EMSY: variants seen among roughly 807,000 people sequenced by gnomAD.
EMSY encodes BRCA2-interacting transcriptional repressor EMSY.
Under a neutral mutation model 134.6 loss-of-function variants are expected in EMSY, and 26 were observed. That is an observed-to-expected ratio of 0.19 (90% CI 0.14 to 0.27). The LOEUF (loss-of-function observed/expected upper bound fraction) is 0.27, where lower values mean the gene tolerates loss of function less well. Ranked by LOEUF, EMSY falls within the 10% of genes least tolerant of loss-of-function variation. The pLI is 1.00. For synonymous variants in EMSY, 579 were observed against 577.8 expected (o/e 1.00, Z -0.03); for missense variants, 1,305 against 1,611.4 (o/e 0.81, Z 3.26).
chr11:76,523,413 C>T, intron 12 of EMSY, 122 bp downstream of exon 13: 2 of 1,108,034 alleles, frequency 1.8e-6, no homozygotes, highest in East Asian at 5.3e-5. Context: ...TTTACCACTG[C>T]TGGGATATAA....
intron 2 of EMSY, among the ~76,000 whole-genome samples, chr11:76,447,269 A>G (rs1055689493): frequency 1.3e-5 from 2 of 152,252 alleles, no homozygotes; most frequent in African/African-American, 4.8e-5. Flanking sequence ...TTTATACAAC[A>G]TCTAATTTAA....
chr11:76,446,241 G>C (rs1270952363), intron 1 of EMSY, among the ~76,000 whole-genome samples: 2 of 151,264 alleles, frequency 1.3e-5, no homozygotes, highest in Non-Finnish European at 2.9e-5. Context: ...CTCAACTGTT[G>C]GTAAATGGCT....
chr11:76,468,602 C>T (rs1948451866), intron 7 of EMSY, among the ~76,000 whole-genome samples: 1 of 152,070 alleles, frequency 6.6e-6, no homozygotes, highest in Non-Finnish European at 1.5e-5. Flanking sequence ...TGTCACAAAT[C>T]CTGTATAAGG....
chr11:76,546,117 G>A lies in EMSY; in HGVS notation c.3594G>A (p.Ala1198=), dbSNP rs761026121. 1.1e-5 allele frequency: 17 copies of A among 1,614,026 alleles called. No homozygotes were observed. The African/African-American group carries it at 1.1e-4, about 10-fold the overall frequency. ...CCCACATGGTGGTGGCAGGGATGGC[G>A]AATTCCACTCCCCAGCAACAGAAAT... Residue 1198 remains alanine (A), a synonymous_variant, in exon 20 of 21, where the codon GCG becomes GCA. Coordinates refer to ENST00000334736, the Ensembl canonical transcript of EMSY.
At position 76,544,827 on chromosome 11, in the gene EMSY, C is replaced by G. The variant is rs747333794; in HGVS notation, c.3273+5C>G. The G allele has an allele frequency of 1.2e-6, 2 of 1,612,714 alleles. No individual in the cohort carries two copies. Among genetic ancestry groups the G allele is most frequent in the East Asian group, 2.2e-5 (1 of 44,854 alleles). On this transcript the variant is annotated splice_donor_5th_base_variant and intron_variant, in intron 19 of 20. Coordinates refer to ENST00000334736, the Ensembl canonical transcript of EMSY. ...GAGAAACAGACGGCAAGCCAGGTAA[C>G]GGAATATTGATAGCATGCAAAGTTA... is the stretch of plus-strand genomic sequence containing the variant.
At chr11:76,494,150 C>A (rs368202637) in intron 8 of EMSY, among the ~76,000 whole-genome samples, 9 of 152,398 alleles carry the variant, frequency 5.9e-5, no homozygotes, top group African/African-American at 2.2e-4. Context: ...CAGCTGGCAT[C>A]TGTGCCTGGC....
At chr11:76,472,495 C>A in intron 7 of EMSY, 69 bp from the exon 9 acceptor site, 1 of 1,374,964 alleles carries the variant, frequency 7.3e-7, no homozygotes, top group Non-Finnish European at 1.0e-6. Context: ...TTATATATAA[C>A]TAACTGTGAG....
chr11:76,548,519 T>C (rs1951733544), intron 20 of EMSY, among the ~76,000 whole-genome samples: 1 of 152,190 alleles, frequency 6.6e-6, no homozygotes. Flanking sequence ...TCATAGACTT[T>C]TAGAACTGCA....
In EMSY at chr11:76,508,663, A is replaced by G. The variant is rs553292467; in HGVS notation, c.1364-4723A>G. Among the ~76,000 whole-genome samples, 14 of 152,332 alleles carry G rather than the reference A, an allele frequency of 9.2e-5. No homozygotes were observed. The South Asian group carries it at 1.2e-3, about 14-fold the overall frequency. ...CTTCCAATAAAAGTCTATTTTGTCTACATTGAAAATCTGGTGTTTAGTGTA... is the reference window on the plus strand; with the variant it reads ...CTTCCAATAAAAGTCTATTTTGTCTGCATTGAAAATCTGGTGTTTAGTGTA... On this transcript the variant is annotated intron_variant, in intron 9 of 20. Coordinates refer to ENST00000334736, the Ensembl canonical transcript of EMSY.
chr11:76,486,860 G>A (rs1288715389), intron 8 of EMSY, among the ~76,000 whole-genome samples: 2 of 152,198 alleles, frequency 1.3e-5, no homozygotes, highest in Non-Finnish European at 2.9e-5. Flanking sequence ...TCCTATACAT[G>A]ACATGGTGAA....
exon 20 of EMSY, chr11:76,546,013 G>C: frequency 6.2e-7 from 1 of 1,614,134 alleles, no homozygotes; most frequent in Non-Finnish European, 8.5e-7. Flanking sequence ...TACAAATGTA[G>C]AACATATGAT....
In EMSY at chr11:76,454,793, A is replaced by T; in HGVS notation, c.245+1405A>T. 1 of 1,460,562 alleles carries T rather than the reference A, an allele frequency of 6.8e-7. No homozygotes were observed. The highest frequency in any genetic ancestry group is 1.3e-5 in the South Asian group (1 of 79,986). 90.5% of individuals were successfully genotyped at this position (1,460,562 alleles called of 1,614,324 possible). ...TTGGGTGAAAGACCAAGTTACAGGT[A>T]TGCAAATAGGTTATTATTATTTCAG... On this transcript the variant is annotated intron_variant, in intron 4 of 20. Coordinates refer to ENST00000334736, the Ensembl canonical transcript of EMSY.
chr11:76,457,258 A>G (rs1453425917), intron 4 of EMSY, among the ~76,000 whole-genome samples: 2 of 152,216 alleles, frequency 1.3e-5, no homozygotes, highest in African/African-American at 4.8e-5. Context: ...AGTTTGAAGA[A>G]CCTATGGTTT....
intron 8 of EMSY, among the ~76,000 whole-genome samples, chr11:76,487,779 C>T (rs552732041): frequency 2.0e-5 from 3 of 152,310 alleles, no homozygotes; most frequent in Admixed American, 6.5e-5. Flanking sequence ...GTCACATCCC[C>T]GAGGTACCTC....
exon 2 of EMSY, chr11:76,446,979 A>G (rs1394310429): frequency 1.9e-6 from 3 of 1,613,574 alleles, no homozygotes; most frequent in African/African-American, 2.7e-5. Flanking sequence ...CTCAGCAGGG[A>G]TGAATGCAAA....
At chr11:76,490,368 C>T (rs915718622) in intron 8 of EMSY, among the ~76,000 whole-genome samples, 5 of 152,038 alleles carry the variant, frequency 3.3e-5, no homozygotes, top group Non-Finnish European at 7.4e-5. Flanking sequence ...GTAGCATATG[C>T]CCCCCGACCC....
At chr11:76,482,066 T>C (rs1949004166) in intron 8 of EMSY, among the ~76,000 whole-genome samples, 1 of 152,104 alleles carries the variant, frequency 6.6e-6, no homozygotes, top group South Asian at 2.1e-4. Context: ...GCAGCAATCT[T>C]TGCTGTTCTG....
intron 4 of EMSY, among the ~76,000 whole-genome samples, chr11:76,457,658 T>C (rs1947930417): frequency 6.6e-6 from 1 of 152,254 alleles, no homozygotes; most frequent in Non-Finnish European, 1.5e-5. Context: ...TGTTCTTTTC[T>C]ACTTAGGCTC....
intron 11 of EMSY, among the ~76,000 whole-genome samples, chr11:76,518,703 A>ATATATATATATATATATTTT: frequency 7.7e-6 from 1 of 130,204 alleles, no homozygotes; most frequent in Middle Eastern, 3.8e-3. Flanking sequence ...ATATATATAT[A>ATATATATATATATATATTTT]TTTTTTTTTT....
Sources: gnomAD v4.1 joint callset for allele counts (sites outside exome capture counted in the v4.1 genomes callset) on GRCh38, gnomAD v4.1.1 for gene constraint, MANE v1.5 for transcripts, NCBI Gene and HGNC (gene_info 2026-07-23, HGNC 2026-07-21) for gene names.